The following MDGA2 variants were observed in gnomAD, a reference collection of about 807,000 sequenced individuals.
MDGA2 encodes MAM domain containing glycosylphosphatidylinositol anchor 2.
In MDGA2, 40 loss-of-function variants were observed where a neutral mutation model predicts 117.8. That is an observed-to-expected ratio of 0.34 (90% CI 0.26 to 0.44). The LOEUF (loss-of-function observed/expected upper bound fraction) is 0.44. Among genes scored for constraint, MDGA2 ranks in the 20% least tolerant of loss-of-function variants. MDGA2 has a pLI of 1.00. For synonymous variants in MDGA2, 452 were observed against 439.0 expected (o/e 1.03, Z -0.37); for missense variants, 1,123 against 1,250.6 (o/e 0.90, Z 1.54).
At chr14:47,191,997 G>GA (rs1433503985) in intron 3 of MDGA2, among the ~76,000 whole-genome samples, 1 of 152,142 alleles carries the variant, frequency 6.6e-6, no homozygotes, top group Non-Finnish European at 1.5e-5. Flanking sequence ...GCATACTGGA[G>GA]AAAACAACCA....
intron 1 of MDGA2, 98 bp from the exon 2 acceptor site, chr14:47,301,648 T>C: frequency 7.9e-7 from 1 of 1,265,252 alleles, no homozygotes; most frequent in Non-Finnish European, 1.1e-6. Context: ...CTTATTAGAC[T>C]TCACCATAGT....
chr14:46,868,781 T>C (rs1337773412), intron 14 of MDGA2, among the ~76,000 whole-genome samples: 1 of 152,008 alleles, frequency 6.6e-6, no homozygotes, highest in Non-Finnish European at 1.5e-5. Context: ...TGCTCCCATT[T>C]ACCACTCTCC....
chr14:47,552,248 T>C (rs2138780139), intron 1 of MDGA2, among the ~76,000 whole-genome samples: 1 of 152,270 alleles, frequency 6.6e-6, no homozygotes, highest in South Asian at 2.1e-4. Context: ...AATACCACCT[T>C]TGACTGTCGT....
chr14:47,249,069 G>C (rs1301081855), intron 2 of MDGA2, among the ~76,000 whole-genome samples: 1 of 150,076 alleles, frequency 6.7e-6, no homozygotes. Flanking sequence ...CCAGGCTGGA[G>C]GGCAGTGGTG....
At chr14:47,433,771 G>A (rs1043635384) in intron 1 of MDGA2, among the ~76,000 whole-genome samples, 1 of 152,092 alleles carries the variant, frequency 6.6e-6, no homozygotes, top group East Asian at 1.9e-4. Flanking sequence ...ATTCAAAGCA[G>A]ACAAAGCATT....
intron 1 of MDGA2, among the ~76,000 whole-genome samples, chr14:47,585,073 G>A (rs1456904968): frequency 6.6e-6 from 1 of 151,796 alleles, no homozygotes; most frequent in African/African-American, 2.4e-5. Flanking sequence ...CATACTTTTA[G>A]AAACATATAT....
chr14:47,384,951 T>A (rs1008063234), intron 1 of MDGA2, among the ~76,000 whole-genome samples: 4 of 152,192 alleles, frequency 2.6e-5, no homozygotes, highest in Non-Finnish European at 4.4e-5. Context: ...TATTTCAAAT[T>A]TGTCTTGCCA....
chr14:47,505,781 A>C (rs1292724262), intron 1 of MDGA2, among the ~76,000 whole-genome samples: 1 of 152,218 alleles, frequency 6.6e-6, no homozygotes, highest in Non-Finnish European at 1.5e-5. Context: ...AATAATTCAT[A>C]ATCTATGGTA....
At position 47,675,071 on chromosome 14, in the gene MDGA2, G is replaced by C. The variant is rs558439077; in HGVS notation, c.-275C>G. On this transcript the variant is annotated 5_prime_UTR_variant, in exon 1 of 17. Transcript: ENST00000399232. ...TGCCGCGCGGTAGGAGCCTGGCTTG[G>C]ACAGCCGAGGAGCAGGAAGTGGCCT... is the stretch of plus-strand genomic sequence containing the variant. 1.2e-5 allele frequency: 2 copies of C among 163,426 alleles called. No individual in the cohort carries two copies. The highest frequency in any genetic ancestry group is 2.6e-5 in the Non-Finnish European group (2 of 75,850). 10.1% of individuals were successfully genotyped at this position (163,426 alleles called of 1,614,324 possible). A position where few individuals can be genotyped will look rare whatever the true frequency, so the allele number is the denominator to read the frequency against.
At chr14:47,039,306 C>T (rs1888976719) in intron 7 of MDGA2, among the ~76,000 whole-genome samples, 2 of 152,154 alleles carry the variant, frequency 1.3e-5, no homozygotes, top group African/African-American at 4.8e-5. Flanking sequence ...TCAACAGATT[C>T]CATCTATTAA....
chr14:46,875,603 A>C (rs1321512639), intron 12 of MDGA2, among the ~76,000 whole-genome samples: 3 of 151,704 alleles, frequency 2.0e-5, no homozygotes. Flanking sequence ...TTTTGATGCT[A>C]TCAGTTGGAA....
At chr14:47,447,354 G>A (rs147179444) in intron 1 of MDGA2, among the ~76,000 whole-genome samples, 136 of 152,196 alleles carry the variant, frequency 8.9e-4, no homozygotes, top group African/African-American at 3.2e-3. Context: ...ATCCATTTAG[G>A]GAGTTAGTGC....
At chr14:47,029,064 C>T (rs549626488) in intron 8 of MDGA2, among the ~76,000 whole-genome samples, 2 of 152,188 alleles carry the variant, frequency 1.3e-5, no homozygotes, top group East Asian at 3.9e-4. Context: ...TATCTCAACG[C>T]TACAGAATAT....
At chr14:47,231,144 T>C (rs1240244646) in intron 2 of MDGA2, among the ~76,000 whole-genome samples, 1 of 152,042 alleles carries the variant, frequency 6.6e-6, no homozygotes, top group Non-Finnish European at 1.5e-5. Flanking sequence ...ACTTTCCTAC[T>C]ACTGCACAAT....
rs375897924 is a variant in MDGA2, at chr14:47,144,610, CAA to C, written c.596-338_596-337del. Among the ~76,000 whole-genome samples, 181 of 147,818 alleles carry C rather than the reference CAA, an allele frequency of 1.2e-3. 2 individuals carry two copies. The highest frequency in any genetic ancestry group is 3.6e-3 in the African/African-American group (147 of 40,394). On this transcript the variant is annotated intron_variant, in intron 3 of 16. Coordinates refer to ENST00000399232, the MANE Select transcript of MDGA2 (RefSeq NM_001113498.3). ...TAGCCAAAACAATGAACCTCAGTGA[CAA>C]AAAAAAAATTAATATCAGGCTGCTT...
intron 1 of MDGA2, among the ~76,000 whole-genome samples, chr14:47,544,794 G>A (rs1895426395): frequency 6.6e-6 from 1 of 152,058 alleles, no homozygotes; most frequent in Non-Finnish European, 1.5e-5. Context: ...TGTCTAATGG[G>A]ATCAAACCTG....
intron 10 of MDGA2, among the ~76,000 whole-genome samples, chr14:46,890,855 T>C (rs915405919): frequency 1.3e-5 from 2 of 152,082 alleles, no homozygotes; most frequent in African/African-American, 2.4e-5. Flanking sequence ...AAAGTAGAAA[T>C]TGAAGTTGAA....
At chr14:46,867,430 A>G (rs994345126) in intron 14 of MDGA2, among the ~76,000 whole-genome samples, 117 of 152,238 alleles carry the variant, frequency 7.7e-4, no homozygotes, top group African/African-American at 2.6e-3. Context: ...ACTGGGAGAT[A>G]TACCTAATGC....
rs529414413 is a variant in MDGA2 at position 47,474,396 on chromosome 14, G to A, written c.281-172846C>T. 6.8e-4 allele frequency among the ~76,000 whole-genome samples: 104 copies of A among 151,858 alleles called. 1 individual carries two copies. The highest frequency in any genetic ancestry group is 1.3e-3 in the Non-Finnish European group (90 of 67,970). ...AGGAAGAATCAATATCATGAAAATG[G>A]CCATATTTCCCAAAGCAATTTATAG... On this transcript the variant is annotated intron_variant, in intron 1 of 16. Coordinates refer to ENST00000399232, the MANE Select transcript of MDGA2 (RefSeq NM_001113498.3).
Sources: gnomAD v4.1 joint callset for allele counts (sites outside exome capture counted in the v4.1 genomes callset) on GRCh38, gnomAD v4.1.1 for gene constraint, MANE v1.5 for transcripts, NCBI Gene and HGNC (gene_info 2026-07-23, HGNC 2026-07-21) for gene names.